Variants in NLGN1 observed in about 807,000 individuals in gnomAD.
NLGN1 encodes the protein neuroligin 1.
A neutral mutation model predicts 65.5 loss-of-function variants in NLGN1; 12 were observed. The observed-to-expected ratio is 0.18, with a 90% confidence interval of 0.12 to 0.30. The LOEUF (loss-of-function observed/expected upper bound fraction) is 0.30. NLGN1 is among the 10% of genes least tolerant of loss of function. The pLI, the probability that NLGN1 is intolerant of heterozygous loss-of-function variation, is 1.00. For missense variants in NLGN1, 750 were observed against 1,007.1 expected (o/e 0.74, Z 3.46); for synonymous variants, 350 against 359.5 (o/e 0.97, Z 0.30).
At chr3:173,837,986 T>G (rs566504142) in intron 4 of NLGN1, among the ~76,000 whole-genome samples, 10 of 152,316 alleles carry the variant, frequency 6.6e-5, no homozygotes, top group African/African-American at 2.2e-4. Context: ...AATGGCACAC[T>G]TAAAGCTGAA....
At position 173,502,877 on chromosome 3, in the gene NLGN1, C is replaced by T. The variant is rs148149363; in HGVS notation, c.-321+67799C>T. On this transcript the variant is annotated intron_variant, in intron 2 of 6. Transcript: ENST00000457714. ...CAGGCCAGCTGCAGAAGGTAAAATG[C>T]ACTTCCTAGTCTTGAAAGACTTATA... is the stretch of plus-strand genomic sequence containing the variant. 2.2e-3 allele frequency among the ~76,000 whole-genome samples: 332 copies of T among 152,180 alleles called. 4 individuals carry two copies. The highest frequency in any genetic ancestry group is 7.7e-3 in the African/African-American group (318 of 41,538).
intron 4 of NLGN1, among the ~76,000 whole-genome samples, chr3:173,964,523 A>G (rs1314282654): frequency 6.6e-6 from 1 of 152,164 alleles, no homozygotes; most frequent in Admixed American, 6.5e-5. Flanking sequence ...ACTCAAGCTT[A>G]TACTTTCTGG....
intron 4 of NLGN1, among the ~76,000 whole-genome samples, chr3:174,108,001 G>T (rs1310816579): frequency 2.0e-5 from 3 of 152,006 alleles, no homozygotes; most frequent in Non-Finnish European, 4.4e-5. Flanking sequence ...TTACTGTTGA[G>T]TTTTTAAGTT....
intron 4 of NLGN1, among the ~76,000 whole-genome samples, chr3:174,068,668 G>C (rs1421153563): frequency 6.6e-6 from 1 of 152,064 alleles, no homozygotes; most frequent in South Asian, 2.1e-4. Flanking sequence ...TTTAAATATG[G>C]ATTTAGAGAA....
intron 4 of NLGN1, among the ~76,000 whole-genome samples, chr3:174,021,914 A>T: frequency 6.6e-6 from 1 of 152,092 alleles, no homozygotes; most frequent in East Asian, 1.9e-4. Flanking sequence ...GTCCTTGAAC[A>T]TTTTCTTTCA....
intron 4 of NLGN1, among the ~76,000 whole-genome samples, chr3:173,869,338 A>C (rs1371392432): frequency 6.6e-6 from 1 of 152,162 alleles, no homozygotes; most frequent in African/African-American, 2.4e-5. Flanking sequence ...TACATGTAAA[A>C]TATTAGTAAA....
intron 4 of NLGN1, among the ~76,000 whole-genome samples, chr3:174,078,778 T>C (rs1741532805): frequency 1.3e-5 from 2 of 152,208 alleles, no homozygotes; most frequent in Admixed American, 6.5e-5. Context: ...AGTGGTTTAC[T>C]GCTGTTTCAA....
intron 4 of NLGN1, among the ~76,000 whole-genome samples, chr3:173,841,137 A>C (rs758422199): frequency 1.2e-5 from 1 of 84,388 alleles, no homozygotes; most frequent in African/African-American, 4.8e-5. Context: ...CATTGTATCT[A>C]TATCTATAGT....
chr3:173,661,943 G>A lies in NLGN1; in HGVS notation c.493+56852G>A, dbSNP rs375895197. On this transcript the variant is annotated intron_variant, in intron 3 of 6. Coordinates refer to ENST00000457714, the Ensembl canonical transcript of NLGN1. ...ACCTTGGCGAATCAGACCACAGCAG[G>A]ACTTTATTAATTAAATTGCTGTAGG... 2.6e-5 allele frequency among the ~76,000 whole-genome samples: 4 copies of A among 152,034 alleles called. No homozygotes were observed. The South Asian group carries it at 6.2e-4, about 24-fold the overall frequency.
chr3:173,396,572 G>GT (rs1005914798), upstream of NLGN1: 16 of 152,296 alleles, frequency 1.1e-4, no homozygotes, highest in Non-Finnish European at 2.2e-4. Context: ...TTTTGAGCCT[G>GT]TTTTTTAAAA....
chr3:173,684,312 T>G (rs1764383847), intron 3 of NLGN1, among the ~76,000 whole-genome samples: 1 of 152,200 alleles, frequency 6.6e-6, no homozygotes, highest in Non-Finnish European at 1.5e-5. Flanking sequence ...GCATGTGTTT[T>G]AAACAGACTG....
chr3:173,707,280 T>C (rs1768186928), intron 3 of NLGN1, among the ~76,000 whole-genome samples: 1 of 152,184 alleles, frequency 6.6e-6, no homozygotes, highest in Admixed American at 6.5e-5. Context: ...ATGCAGTGTT[T>C]TGGAAAAGAA....
chr3:173,770,608 A>T (rs1394869580), intron 3 of NLGN1, among the ~76,000 whole-genome samples: 1 of 152,104 alleles, frequency 6.6e-6, no homozygotes, highest in South Asian at 2.1e-4. Flanking sequence ...GAAGGAGTGT[A>T]TGGTGTAATG....
Position 174,232,402 on chromosome 3 carries a change from G to T in NLGN1, c.647-42913G>T, listed in dbSNP as rs189818937. 2.1e-3 allele frequency among the ~76,000 whole-genome samples: 318 copies of T among 152,268 alleles called. 1 individual carries two copies. The highest frequency in any genetic ancestry group is 6.9e-3 in the African/African-American group (285 of 41,540). On this transcript the variant is annotated intron_variant, in intron 4 of 6. Coordinates refer to ENST00000457714, the Ensembl canonical transcript of NLGN1. ...TGGATGTGTACGTGCAGGTCACAGG[G>T]GATATGATGGCTTAGCTTGGGCTCA...
chr3:173,851,077 C>T (rs886988228), intron 4 of NLGN1, among the ~76,000 whole-genome samples: 3 of 151,900 alleles, frequency 2.0e-5, no homozygotes, highest in African/African-American at 7.3e-5. Context: ...TATTTTATAC[C>T]ATCGTGTTTT....
intron 4 of NLGN1, among the ~76,000 whole-genome samples, chr3:173,858,257 C>T (rs952135660): frequency 2.0e-5 from 3 of 152,032 alleles, no homozygotes; most frequent in Admixed American, 6.6e-5. Context: ...TTAAAAGATA[C>T]ATGAGTGAAG....
At chr3:173,872,213 A>G (rs1233386828) in intron 4 of NLGN1, among the ~76,000 whole-genome samples, 9 of 152,234 alleles carry the variant, frequency 5.9e-5, no homozygotes, top group Non-Finnish European at 8.8e-5. Context: ...CCAAACAGGC[A>G]GGAGGACGAT....
intron 4 of NLGN1, among the ~76,000 whole-genome samples, chr3:174,257,720 AATAT>A (rs148487842): frequency 6.8e-6 from 1 of 146,450 alleles, no homozygotes. Context: ...GAACTAGTGG[AATAT>A]ATATATATAT....
intron 3 of NLGN1, among the ~76,000 whole-genome samples, chr3:173,775,382 G>T (rs1780159819): frequency 6.6e-6 from 1 of 151,986 alleles, no homozygotes; most frequent in South Asian, 2.1e-4. Context: ...CTCCCTTAAG[G>T]CTTTGGTCTT....
Sources: gnomAD v4.1 joint callset for allele counts (sites outside exome capture counted in the v4.1 genomes callset) on GRCh38, gnomAD v4.1.1 for gene constraint, MANE v1.5 for transcripts, NCBI Gene and HGNC (gene_info 2026-07-23, HGNC 2026-07-21) for gene names.